CENPS: variants seen among roughly 807,000 people sequenced by gnomAD.
The protein encoded by CENPS is FANCM associated histone fold protein 1.
Under a neutral mutation model 17.9 loss-of-function variants are expected in CENPS, and 16 were observed. The ratio of observed to expected loss-of-function variants is 0.90; its 90% CI spans 0.61 to 1.36. The LOEUF is 1.36. Ranked by LOEUF, CENPS falls within the 40% of genes most tolerant of loss-of-function variation. CENPS has a pLI of 0.00. For missense variants in CENPS, 160 were observed against 158.6 expected (o/e 1.01, Z -0.05); for synonymous variants, 49 against 55.8 (o/e 0.88, Z 0.54).
rs1401806674 is a variant in CENPS at position 10,442,196 on chromosome 1, C to T, written c.277-69C>T. The stretch of plus-strand genomic sequence containing the variant: ...GAGGTGGTTGTGGAGGGTTTAGTTT[C>T]GTTTGTTTGTTTATTTAGGTTTATA... On this transcript the variant is annotated intron_variant, in intron 4 of 4. Transcript: ENST00000309048. 13 of 1,519,224 alleles carry T rather than the reference C, an allele frequency of 8.6e-6. No individual in the cohort carries two copies. The African/African-American group carries it at 1.0e-4, about 12-fold the overall frequency. 94.1% of individuals were successfully genotyped at this position (1,519,224 alleles called of 1,614,324 possible).
At chr1:10,433,210 C>T (rs534430191) in intron 1 of CENPS, among the ~76,000 whole-genome samples, 19 of 152,146 alleles carry the variant, frequency 1.2e-4, no homozygotes, top group Non-Finnish European at 1.8e-4. Flanking sequence ...CCTCCCCTCT[C>T]GGTAATTTTC....
rs1639849660 is a variant in CENPS at position 10,430,489 on chromosome 1, C to G, written c.-29C>G. The G allele has an allele frequency of 2.0e-6, 3 of 1,535,536 alleles. No individual in the cohort carries two copies. Among genetic ancestry groups the G allele is most frequent in the Non-Finnish European group, 2.6e-6 (3 of 1,141,620 alleles). ...GCACCACCGCCCCTTCTCGGCCCTC[C>G]TGCGTTTGCCCAGGGTCGGCCCGCA... On this transcript the variant is annotated 5_prime_UTR_variant, in exon 1 of 5. Coordinates refer to ENST00000309048, the MANE Select transcript of CENPS (RefSeq NM_199294.3).
At chr1:10,437,463 G>GTTT (rs1192899530) in intron 3 of CENPS, among the ~76,000 whole-genome samples, 10 of 64,002 alleles carry the variant, frequency 1.6e-4, no homozygotes, top group Non-Finnish European at 2.0e-4. Flanking sequence ...TTTGTTTTTT[G>GTTT]TTTTTTGTTT....
chr1:10,433,232 G>GA (rs1640000482), intron 1 of CENPS, among the ~76,000 whole-genome samples: 1 of 152,146 alleles, frequency 6.6e-6, no homozygotes, highest in South Asian at 2.1e-4. Flanking sequence ...GCAAGGGGTG[G>GA]AGAGATCTTT....
intron 3 of CENPS, among the ~76,000 whole-genome samples, chr1:10,439,947 A>G (rs760270601): frequency 8.5e-5 from 13 of 152,060 alleles, no homozygotes; most frequent in Non-Finnish European, 1.2e-4. Flanking sequence ...TTTAATGTCT[A>G]TTTAAGCAGG....
chr1:10,437,330 T>G (rs2124273237), intron 3 of CENPS, among the ~76,000 whole-genome samples: 1 of 152,152 alleles, frequency 6.6e-6, no homozygotes, highest in Admixed American at 6.5e-5. Flanking sequence ...CTGGCATCTT[T>G]TTTCTTTTTG....
chr1:10,441,292 G>T (rs375834118), intron 4 of CENPS, among the ~76,000 whole-genome samples: 1 of 143,610 alleles, frequency 7.0e-6, no homozygotes, highest in Non-Finnish European at 1.5e-5. Context: ...TATATGCCAG[G>T]ATTACAGGCA....
intron 3 of CENPS, among the ~76,000 whole-genome samples, chr1:10,439,876 G>A (rs753092489): frequency 6.6e-6 from 1 of 152,204 alleles, no homozygotes; most frequent in Non-Finnish European, 1.5e-5. Flanking sequence ...AGCCCTTGGA[G>A]AACATCAGGA....
At chr1:10,434,618 G>C in intron 2 of CENPS, 39 bp from the exon 3 acceptor site, 1 of 1,601,876 alleles carries the variant, frequency 6.2e-7, no homozygotes, top group Non-Finnish European at 8.5e-7. Context: ...AATTAGATGG[G>C]AGGGTGCCTA....
chr1:10,440,238 CTACT>C, intron 3 of CENPS, 105 bp from the exon 4 acceptor site: 2 of 1,398,120 alleles, frequency 1.4e-6, no homozygotes, highest in Non-Finnish European at 1.9e-6. Context: ...AAAGGATGGG[CTACT>C]TAGAGATCCC....
At position 10,442,564 on chromosome 1, in the gene CENPS, T is replaced by A. The variant is rs1470383804; in HGVS notation, c.*159T>A. The A allele has an allele frequency of 8.3e-7, 1 of 1,211,668 alleles. No homozygotes were observed. The highest frequency in any genetic ancestry group is 4.0e-5 in the Admixed American group (1 of 24,722). 75.1% of individuals were successfully genotyped at this position (1,211,668 alleles called of 1,614,324 possible). A position where few individuals can be genotyped will look rare whatever the true frequency, so the allele number is the denominator to read the frequency against. On this transcript the variant is annotated 3_prime_UTR_variant, in exon 5 of 5. Transcript: ENST00000309048. ...TTTTGTGCTGAATTCTCCACATTGT[T>A]AACTGCCAAAGCTAGTTTTAGAGAA...
chr1:10,441,217 T>C (rs189198598), intron 4 of CENPS, among the ~76,000 whole-genome samples: 44 of 151,752 alleles, frequency 2.9e-4, no homozygotes, highest in African/African-American at 9.7e-4. Flanking sequence ...ACATGCAGTC[T>C]CTCTCTGTTG....
intron 1 of CENPS, chr1:10,431,106 TTTC>T: frequency 1.4e-6 from 2 of 1,407,652 alleles, no homozygotes; most frequent in Non-Finnish European, 1.8e-6. Context: ...CAGACGCAAT[TTTC>T]TTCTCTGCAA....
At chr1:10,431,024 A>G in intron 1 of CENPS, 1 of 1,326,228 alleles carries the variant, frequency 7.5e-7, no homozygotes, top group Non-Finnish European at 9.7e-7. Context: ...CGGACCAGTC[A>G]GGCCCAGAGC....
intron 3 of CENPS, among the ~76,000 whole-genome samples, chr1:10,438,595 T>G (rs1186934286): frequency 6.6e-6 from 1 of 152,184 alleles, no homozygotes; most frequent in Non-Finnish European, 1.5e-5. Context: ...CAAAGCGTGT[T>G]ATATGAAAAA....
chr1:10,430,672 C>T, intron 1 of CENPS, 104 bp downstream of exon 1: 2 of 1,439,816 alleles, frequency 1.4e-6, no homozygotes, highest in East Asian at 2.9e-5. Context: ...GGCACCCCGC[C>T]CCCGGGCGCC....
rs942411384 is a variant in CENPS at position 10,442,188 on chromosome 1, T to G, written c.277-77T>G. 1.5e-4 allele frequency: 219 copies of G among 1,499,036 alleles called. No individual in the cohort carries two copies. In the Admixed American group the frequency reaches 1.8e-3, roughly 13 times the overall value. 92.9% of individuals were successfully genotyped at this position (1,499,036 alleles called of 1,614,324 possible). A position where few individuals can be genotyped will look rare whatever the true frequency, so the allele number is the denominator to read the frequency against. On this transcript the variant is annotated intron_variant, in intron 4 of 4. Transcript: ENST00000309048. ...TTGAGTCAGAGGTGGTTGTGGAGGG[T>G]TTAGTTTCGTTTGTTTGTTTATTTA... is the stretch of plus-strand genomic sequence containing the variant.
chr1:10,438,569 T>G (rs890495411), intron 3 of CENPS, among the ~76,000 whole-genome samples: 2 of 152,240 alleles, frequency 1.3e-5, no homozygotes, highest in Non-Finnish European at 2.9e-5. Context: ...GGGAATCGTC[T>G]TTAAAGCCCG....
At position 10,439,354 on chromosome 1, in the gene CENPS, C is replaced by T. The variant is rs191823089; in HGVS notation, c.210-993C>T. ...TAATCAGAGTAATATATTATTGAAT[C>T]GAGCTTATTATCTCAAATTACCTTT... On this transcript the variant is annotated intron_variant, in intron 3 of 4. Transcript: ENST00000309048. Among the ~76,000 whole-genome samples the T allele has an allele frequency of 1.2e-3, 180 of 152,210 alleles. No homozygotes were observed. The Middle Eastern group carries it at 0.037, about 32-fold the overall frequency.
Sources: gnomAD v4.1 joint callset for allele counts (sites outside exome capture counted in the v4.1 genomes callset) on GRCh38, gnomAD v4.1.1 for gene constraint, MANE v1.5 for transcripts, NCBI Gene and HGNC (gene_info 2026-07-23, HGNC 2026-07-21) for gene names.